The following CCSER2 variants were observed in gnomAD, a reference collection of about 807,000 sequenced individuals.
The protein encoded by CCSER2 is serine-rich coiled-coil domain-containing protein 2.
CCSER2 carries 46 observed loss-of-function variants against 92.3 expected under a neutral mutation model. That is an observed-to-expected ratio of 0.50 (90% CI 0.39 to 0.64). The LOEUF (loss-of-function observed/expected upper bound fraction) is 0.64, where lower values mean the gene tolerates loss of function less well. Ranked by LOEUF, CCSER2 falls within the 30% of genes least tolerant of loss-of-function variation. CCSER2 has a pLI of 0.00. For synonymous variants in CCSER2, 433 were observed against 431.4 expected (o/e 1.00, Z -0.04); for missense variants, 1,244 against 1,238.9 (o/e 1.00, Z -0.06).
At chr10:84,416,577 G>A (rs1401512633) in intron 3 of CCSER2, among the ~76,000 whole-genome samples, 1 of 152,122 alleles carries the variant, frequency 6.6e-6, no homozygotes, top group African/African-American at 2.4e-5. Context: ...ACCCAACATA[G>A]GAAACAGTTT....
rs118002103 is a variant in CCSER2 at position 84,344,837 on chromosome 10, G to C, written c.-40+16029G>C. On this transcript the variant is annotated intron_variant, in intron 1 of 9. Transcript: ENST00000372088. Reference sequence around the variant, plus strand: ...TACCAAAGCCGCAATTCGAAGGCTTGGGTAATTTTAGCTGCACGCACTCAC... The same window carrying C: ...TACCAAAGCCGCAATTCGAAGGCTTCGGTAATTTTAGCTGCACGCACTCAC... Among the ~76,000 whole-genome samples the C allele has an allele frequency of 3.6e-3, 547 of 152,234 alleles. 1 individual carries two copies. Among genetic ancestry groups the C allele is most frequent in the Non-Finnish European group, 6.1e-3 (415 of 68,022 alleles).
At chr10:84,420,169 A>G (rs1843070195) in intron 4 of CCSER2, among the ~76,000 whole-genome samples, 1 of 152,216 alleles carries the variant, frequency 6.6e-6, no homozygotes. Context: ...CCTTATCTTT[A>G]GCAGACAACA....
At chr10:84,500,873 G>A (rs1213253372) in intron 9 of CCSER2, among the ~76,000 whole-genome samples, 1 of 152,244 alleles carries the variant, frequency 6.6e-6, no homozygotes, top group East Asian at 1.9e-4. Flanking sequence ...AAGCAATTAG[G>A]AATGTGATTT....
At chr10:84,416,619 G>C (rs1424253212) in intron 3 of CCSER2, among the ~76,000 whole-genome samples, 1 of 152,134 alleles carries the variant, frequency 6.6e-6, no homozygotes, top group East Asian at 1.9e-4. Context: ...TAATAAAGTA[G>C]ATATTTCCCT....
At chr10:84,379,938 G>A (rs1209139605) in intron 3 of CCSER2, among the ~76,000 whole-genome samples, 1 of 152,064 alleles carries the variant, frequency 6.6e-6, no homozygotes, top group African/African-American at 2.4e-5. Context: ...TGTCTACATG[G>A]TGTAGCAGTG....
chr10:84,469,596 A>G (rs1390850307), intron 7 of CCSER2, among the ~76,000 whole-genome samples: 1 of 152,172 alleles, frequency 6.6e-6, no homozygotes, highest in African/African-American at 2.4e-5. Flanking sequence ...ATTCACATCT[A>G]TATTTGAATT....
At chr10:84,386,395 C>G (rs554910034) in intron 3 of CCSER2, among the ~76,000 whole-genome samples, 1 of 152,300 alleles carries the variant, frequency 6.6e-6, no homozygotes, top group African/African-American at 2.4e-5. Context: ...TGTATATACA[C>G]CATGGAATAC....
In CCSER2 at chr10:84,517,625, G is replaced by T. The variant is rs918932067; in HGVS notation, c.*3358G>T. On this transcript the variant is annotated 3_prime_UTR_variant, in exon 10 of 10. Coordinates refer to ENST00000372088, the MANE Select transcript of CCSER2 (RefSeq NM_001284240.2). ...TTGAAATAAATTTGTAATTGTTGCT[G>T]TTTGAAGATATCAGTACAGCTGTTC... 16 of 152,750 alleles carry T rather than the reference G, an allele frequency of 1.0e-4. No homozygotes were observed. The highest frequency in any genetic ancestry group is 3.8e-4 in the African/African-American group (16 of 41,572). The allele number at this position is 152,750 out of a possible 1,614,324, so 9.5% of individuals were successfully genotyped here.
rs1396183872 is a variant in CCSER2, at chr10:84,514,218, G to C, written c.3095G>C (p.Cys1032Ser). The C allele has an allele frequency of 1.3e-6, 2 of 1,536,516 alleles. No homozygotes were observed. The highest frequency in any genetic ancestry group is 1.4e-5 in the African/African-American group (1 of 73,164). ...AATGGCAATTTGCATTCTGGGGATT[G>C]TTTGGCCTCTAATCGATATTCTCGT... ...NPNGNLHSGD[C>S]LASNRYSRLP... The change falls in exon 10 of 10, where the codon TGT (cysteine) becomes TCT (serine). Residue 1032 changes from cysteine to serine, a missense_variant. Cys to Ser is a moderately radical substitution (Grantham distance 112). Coordinates refer to ENST00000372088, the MANE Select transcript of CCSER2 (RefSeq NM_001284240.2).
At chr10:84,451,137 A>T (rs1210198983) in intron 6 of CCSER2, among the ~76,000 whole-genome samples, 2 of 152,222 alleles carry the variant, frequency 1.3e-5, no homozygotes, top group African/African-American at 4.8e-5. Context: ...TATAATACTG[A>T]CACAAATAGA....
chr10:84,491,127 G>A (rs537749381), intron 9 of CCSER2, among the ~76,000 whole-genome samples: 30 of 152,318 alleles, frequency 2.0e-4, no homozygotes, highest in African/African-American at 2.6e-4. Flanking sequence ...GTACCCAGCC[G>A]TGTGAGTTTT....
chr10:84,430,317 GTTC>G (rs749723317), intron 5 of CCSER2, among the ~76,000 whole-genome samples: 5 of 152,126 alleles, frequency 3.3e-5, no homozygotes, highest in Non-Finnish European at 5.9e-5. Context: ...ACATGTATAT[GTTC>G]TTCTCTATTC....
At chr10:84,485,646 C>A (rs768969090) in intron 9 of CCSER2, among the ~76,000 whole-genome samples, 2 of 152,086 alleles carry the variant, frequency 1.3e-5, no homozygotes, top group Non-Finnish European at 2.9e-5. Flanking sequence ...TGTTGATTCT[C>A]CCAATTTATG....
intron 5 of CCSER2, among the ~76,000 whole-genome samples, chr10:84,436,232 A>G (rs1055004957): frequency 6.9e-6 from 1 of 145,172 alleles, no homozygotes; most frequent in Non-Finnish European, 1.5e-5. Context: ...AGGCTGAGGC[A>G]GGAGAATGGC....
At chr10:84,402,178 C>T (rs1214112036) in intron 3 of CCSER2, among the ~76,000 whole-genome samples, 1 of 152,078 alleles carries the variant, frequency 6.6e-6, no homozygotes, top group Non-Finnish European at 1.5e-5. Context: ...TTCATTGAAG[C>T]CATGTCCACA....
chr10:84,368,405 AAT>A (rs143857381), intron 1 of CCSER2, among the ~76,000 whole-genome samples: 2 of 151,286 alleles, frequency 1.3e-5, no homozygotes. Flanking sequence ...CATACACACA[AAT>A]ATATATATAT....
At chr10:84,388,979 T>G (rs1441939501) in intron 3 of CCSER2, among the ~76,000 whole-genome samples, 1 of 152,182 alleles carries the variant, frequency 6.6e-6, no homozygotes, top group African/African-American at 2.4e-5. Context: ...GTATACTTCT[T>G]GGAAACAAGA....
At chr10:84,361,948 A>G (rs1845525596) in intron 1 of CCSER2, among the ~76,000 whole-genome samples, 1 of 151,876 alleles carries the variant, frequency 6.6e-6, no homozygotes, top group Non-Finnish European at 1.5e-5. Flanking sequence ...CCTCACTAAC[A>G]TTTTTCTATG....
At chr10:84,465,779 C>G (rs1298834548) in intron 7 of CCSER2, among the ~76,000 whole-genome samples, 1 of 151,076 alleles carries the variant, frequency 6.6e-6, no homozygotes, top group Non-Finnish European at 1.5e-5. Flanking sequence ...GAGATGGAGT[C>G]TTGCTCTGTT....
Sources: gnomAD v4.1 joint callset for allele counts (sites outside exome capture counted in the v4.1 genomes callset) on GRCh38, gnomAD v4.1.1 for gene constraint, MANE v1.5 for transcripts, NCBI Gene and HGNC (gene_info 2026-07-23, HGNC 2026-07-21) for gene names.